WFDC1: variants seen among roughly 807,000 people sequenced by gnomAD.
WFDC1 encodes the protein WAP four-disulfide core domain 1, also known as WAP four-disulfide core domain protein 1.
WFDC1 carries 39 observed loss-of-function variants against 32.9 expected under a neutral mutation model. The observed-to-expected ratio is 1.19, with a 90% CI of 0.92 to 1.55. The LOEUF (loss-of-function observed/expected upper bound fraction) is 1.55, where lower values mean the gene tolerates loss of function less well. Ranked by LOEUF, WFDC1 falls within the 40% of genes most tolerant of loss-of-function variation. WFDC1 has a pLI of 0.00. For missense variants in WFDC1, 386 were observed against 309.5 expected, an observed-to-expected ratio of 1.25 and a Z score of -1.85; for synonymous variants, 184 against 137.4, an observed-to-expected ratio of 1.34 and a Z score of -2.37.
chr16:84,299,629 G>A (rs894760542), intron 1 of WFDC1, among the ~76,000 whole-genome samples: 17 of 152,214 alleles, frequency 1.1e-4, no homozygotes, highest in African/African-American at 3.6e-4. Flanking sequence ...GGAGCCTCTC[G>A]ACAAATCCAC....
intron 4 of WFDC1, among the ~76,000 whole-genome samples, chr16:84,320,619 GT>G (rs1908251974): frequency 6.6e-6 from 1 of 152,218 alleles, no homozygotes; most frequent in Non-Finnish European, 1.5e-5. Context: ...AGACTTCAAT[GT>G]GCTTTTTGGC....
chr16:84,313,732 C>T (rs1309487712), intron 2 of WFDC1, among the ~76,000 whole-genome samples: 2 of 152,166 alleles, frequency 1.3e-5, no homozygotes, highest in Non-Finnish European at 2.9e-5. Flanking sequence ...CCAGATGGGG[C>T]GTGCCCCAGA....
chr16:84,307,093 G>A (rs917094024), intron 1 of WFDC1, among the ~76,000 whole-genome samples: 4 of 152,180 alleles, frequency 2.6e-5, no homozygotes, highest in Admixed American at 6.5e-5. Flanking sequence ...GTGGGACTGG[G>A]TGGCTGGAGA....
At chr16:84,309,560 G>A (rs1907484509) in intron 1 of WFDC1, among the ~76,000 whole-genome samples, 1 of 151,980 alleles carries the variant, frequency 6.6e-6, no homozygotes, top group African/African-American at 2.4e-5. Context: ...AGTTTCCAGG[G>A]GCCGCCGTAA....
Position 84,294,946 on chromosome 16 carries a change from C to T in WFDC1, c.-26C>T, listed in dbSNP as rs1906493512. 1.2e-6 allele frequency: 2 copies of T among 1,603,864 alleles called. No homozygotes were observed. The highest frequency in any genetic ancestry group is 1.3e-5 in the African/African-American group (1 of 74,808). Reference sequence around the variant, plus strand: ...AGGGGGGCCCCTCTTCTGTGTGCGTCTGGAAGGTCGCTGCCCAGGGAGGAA... The same window carrying T: ...AGGGGGGCCCCTCTTCTGTGTGCGTTTGGAAGGTCGCTGCCCAGGGAGGAA... On this transcript the variant is annotated 5_prime_UTR_variant, in exon 1 of 7. Transcript: ENST00000219454.
chr16:84,314,017 G>A (rs1232143173), intron 2 of WFDC1, among the ~76,000 whole-genome samples: 1 of 150,744 alleles, frequency 6.6e-6, no homozygotes, highest in Non-Finnish European at 1.5e-5. Flanking sequence ...ACTCCAGCGT[G>A]GGTGACAAAG....
rs763516706 is a variant in WFDC1, at chr16:84,319,483, G to A, written c.474G>A (p.Ser158=). ...GGGCCGAACCCCTGCTCTGTCCCTC[G>A]GGCTATGAGTGCCACATCCTGAGCC... is the stretch of plus-strand genomic sequence containing the variant. ...EDGAEPLLCP[S]GYECHILSPG... is the part of the protein sequence containing the mutation. The change falls in exon 4 of 7, where the codon TCG becomes TCA. Residue 158 remains serine, a synonymous_variant. Transcript: ENST00000219454. The A allele has an allele frequency of 1.1e-5, 17 of 1,612,322 alleles. No homozygotes were observed. The highest frequency in any genetic ancestry group is 5.3e-5 in the African/African-American group (4 of 74,852).
At chr16:84,311,630 AC>A (rs1907630683) in intron 1 of WFDC1, among the ~76,000 whole-genome samples, 3 of 145,904 alleles carry the variant, frequency 2.1e-5, no homozygotes, top group Non-Finnish European at 4.5e-5. Flanking sequence ...CTGGGATCAA[AC>A]CATCCTCCCG....
chr16:84,328,464 T>C (rs933450567), intron 6 of WFDC1: 2 of 152,184 alleles, frequency 1.3e-5, no homozygotes, highest in Admixed American at 1.3e-4. Context: ...GATTGCAGGT[T>C]CCAGAATCCT....
At chr16:84,321,663 G>A (rs36110988) in intron 4 of WFDC1, among the ~76,000 whole-genome samples, 16,113 of 152,176 alleles carry the variant, frequency 0.11, 898 homozygotes, top group African/African-American at 0.12. Context: ...AAGCAAAGAG[G>A]GTCAGTCATT....
Position 84,299,934 on chromosome 16 carries a change from C to T in WFDC1, c.144+4819C>T, listed in dbSNP as rs1165070866. Among the ~76,000 whole-genome samples, 6 of 152,216 alleles carry T rather than the reference C, an allele frequency of 3.9e-5. No homozygotes were observed. In the East Asian group the frequency reaches 9.6e-4, roughly 24 times the overall value. On this transcript the variant is annotated intron_variant, in intron 1 of 6. Transcript: ENST00000219454. ...TGCATTGTCTATCTGGAGGCACCCC[C>T]TGTGCTAATAGCAGTAGGGGACTGT...
At chr16:84,314,447 G>C (rs767602133) in intron 2 of WFDC1, among the ~76,000 whole-genome samples, 2 of 152,156 alleles carry the variant, frequency 1.3e-5, no homozygotes, top group Non-Finnish European at 2.9e-5. Context: ...CCTTCCACGA[G>C]AGGCTGTGGG....
intron 1 of WFDC1, among the ~76,000 whole-genome samples, chr16:84,310,586 T>C (rs932113749): frequency 6.6e-6 from 1 of 152,204 alleles, no homozygotes; most frequent in South Asian, 2.1e-4. Context: ...TATTCTTCTC[T>C]CCAAAGGCAC....
In WFDC1 at chr16:84,312,983, G is replaced by T; in HGVS notation, c.167G>T (p.Gly56Val). Residue 56 changes from glycine (G) to valine (V), a missense_variant, in exon 2 of 7, where the codon GGC (glycine) becomes GTC (valine). Physicochemically the swap from Gly to Val is moderately radical, Grantham distance 109 (BLOSUM62 -3). Transcript: ENST00000219454. ...KSRAEEAGAPGGPRQPRADRC... is the reference protein window; with the variant it reads ...KSRAEEAGAPVGPRQPRADRC... ...CAGGCCGAGGAGGCGGGCGCGCCCG[G>T]CGGCCCCCGGCAGCCCCGAGCAGAC... 8.5e-7 allele frequency: 1 copy of T among 1,180,636 alleles called. No individual in the cohort carries two copies. Among genetic ancestry groups the T allele is most frequent in the Non-Finnish European group, 1.0e-6 (1 of 955,732 alleles). 73.1% of individuals were successfully genotyped at this position (1,180,636 alleles called of 1,614,324 possible). A position where few individuals can be genotyped will look rare whatever the true frequency, so the allele number is the denominator to read the frequency against.
intron 6 of WFDC1, chr16:84,328,468 G>C (rs1245818474): frequency 6.6e-6 from 1 of 152,250 alleles, no homozygotes; most frequent in Non-Finnish European, 1.5e-5. Context: ...GCAGGTTCCA[G>C]AATCCTCCCG....
chr16:84,314,255 G>C (rs1317990485), intron 2 of WFDC1, among the ~76,000 whole-genome samples: 1 of 152,198 alleles, frequency 6.6e-6, no homozygotes, highest in Non-Finnish European at 1.5e-5. Context: ...GTTTGGGAAG[G>C]GAAGGAGGTG....
At position 84,313,016 on chromosome 16, in the gene WFDC1, C is replaced by CG; in HGVS notation, c.201dup (p.Pro68AlafsTer69). 7.7e-7 allele frequency: 1 copy of CG among 1,294,430 alleles called. No homozygotes were observed. Among genetic ancestry groups the CG allele is most frequent in the Non-Finnish European group, 9.8e-7 (1 of 1,022,928 alleles). 80.2% of individuals were successfully genotyped at this position (1,294,430 alleles called of 1,614,324 possible). A position where few individuals can be genotyped will look rare whatever the true frequency, so the allele number is the denominator to read the frequency against. ...CGGCAGCCCCGAGCAGACCGCTGCC[C>CG]GCCGCCTCCGCGGACGCTGCCCCCC... is the stretch of plus-strand genomic sequence containing the variant. On this transcript the variant is annotated frameshift_variant, in exon 2 of 7. Coordinates refer to ENST00000219454, the MANE Select transcript of WFDC1 (RefSeq NM_021197.4). LOFTEE classifies it high-confidence loss of function.
In WFDC1 at chr16:84,311,384, A is replaced by ATTTTTTTTTTTTT. The variant is rs747950638; in HGVS notation, c.145-1569_145-1568insTTTTTTTTTTTTT. ...AGGTGCTCGCCACCACGCCCGGCTA[A>ATTTTTTTTTTTTT]TTTTTTTTCTTTTTTTTGTATTTTT... On this transcript the variant is annotated intron_variant, in intron 1 of 6. Coordinates refer to ENST00000219454, the MANE Select transcript of WFDC1 (RefSeq NM_021197.4). Among the ~76,000 whole-genome samples the ATTTTTTTTTTTTT allele has an allele frequency of 8.5e-5, 10 of 118,302 alleles. 1 individual carries two copies. The highest frequency in any genetic ancestry group is 2.9e-4 in the East Asian group (1 of 3,448). The allele number at this position is 118,302 out of a possible 152,430, so 77.6% of individuals were successfully genotyped here. A position where few individuals can be genotyped will look rare whatever the true frequency, so the allele number is the denominator to read the frequency against.
rs768680053 is a variant in WFDC1 at position 84,319,484 on chromosome 16, G to A, written c.475G>A (p.Gly159Ser). ...DGAEPLLCPS[G>S]YECHILSPGD... Reference sequence around the variant, plus strand: ...GGCCGAACCCCTGCTCTGTCCCTCGGGCTATGAGTGCCACATCCTGAGCCC... The same window carrying A: ...GGCCGAACCCCTGCTCTGTCCCTCGAGCTATGAGTGCCACATCCTGAGCCC... Residue 159 changes from glycine to serine, a missense_variant, in exon 4 of 7, where the codon GGC (glycine) becomes AGC (serine). Physicochemically the swap from Gly to Ser is moderately conservative, Grantham distance 56 (BLOSUM62 0). Coordinates refer to ENST00000219454, the MANE Select transcript of WFDC1 (RefSeq NM_021197.4). 6.2e-7 allele frequency: 1 copy of A among 1,612,584 alleles called. No individual in the cohort carries two copies. Among genetic ancestry groups the A allele is most frequent in the Non-Finnish European group, 8.5e-7 (1 of 1,179,946 alleles).
Sources: gnomAD v4.1 joint callset for allele counts (sites outside exome capture counted in the v4.1 genomes callset) on GRCh38, gnomAD v4.1.1 for gene constraint, MANE v1.5 for transcripts, NCBI Gene and HGNC (gene_info 2026-07-23, HGNC 2026-07-21) for gene names.